The following BBS2 variants were observed in gnomAD, a reference collection of about 807,000 sequenced individuals.
The protein encoded by BBS2 is BBSome complex member BBS2.
A neutral mutation model predicts 83.0 loss-of-function variants in BBS2; 62 were observed. The observed-to-expected ratio is 0.75, with a 90% confidence interval of 0.61 to 0.92. The LOEUF (loss-of-function observed/expected upper bound fraction) is 0.92, where lower values mean the gene tolerates loss of function less well. Among genes scored for constraint, BBS2 ranks in the 40% least tolerant of loss-of-function variants. BBS2 has a pLI of 0.00. For synonymous variants in BBS2, 303 were observed against 326.1 expected (o/e 0.93, Z 0.76); for missense variants, 784 against 901.0 (o/e 0.87, Z 1.66).
At chr16:56,471,993 G>A (rs993433646) in intron 17 of BBS2, among the ~76,000 whole-genome samples, 6 of 152,066 alleles carry the variant, frequency 3.9e-5, no homozygotes, top group Admixed American at 3.9e-4. Context: ...ACACGGTCTT[G>A]CACTGTCACC....
In BBS2 at chr16:56,485,568, A is replaced by G. The variant is rs750440249; in HGVS notation, c.2059+22T>C. 11 of 1,613,662 alleles carry G rather than the reference A, an allele frequency of 6.8e-6. No individual in the cohort carries two copies. In the East Asian group the frequency reaches 2.0e-4, roughly 29 times the overall value. ...CCAAAAACATTACAGATCAAAGTGC[A>G]GTGTTATGAAAAGAGACTTACCCCG... On this transcript the variant is annotated intron_variant, in intron 16 of 16. Coordinates refer to ENST00000245157, the MANE Select transcript of BBS2 (RefSeq NM_031885.5).
intron 15 of BBS2, 47 bp downstream of exon 15, chr16:56,496,920 C>T: frequency 1.5e-6 from 2 of 1,326,100 alleles, no homozygotes; most frequent in Non-Finnish European, 2.2e-6. Flanking sequence ...TTCCATACTG[C>T]TCACATTTTT....
In BBS2 at chr16:56,502,340, G is replaced by A. The variant is rs777293950; in HGVS notation, c.1057C>T (p.Arg353Cys). ...ACCTTGGCATTTTCCTCATAGTTACGGAGTTCCAGCAACAGATTCTGCTTC... is the reference window on the plus strand; with the variant it reads ...ACCTTGGCATTTTCCTCATAGTTACAGAGTTCCAGCAACAGATTCTGCTTC... ...QKKQNLLLELRNYEENAKAEL... is the reference protein window; with the variant it reads ...QKKQNLLLELCNYEENAKAEL... Residue 353 changes from arginine to cysteine, a missense_variant, in exon 9 of 17, where the codon CGT becomes TGT. Coordinates refer to ENST00000245157, the MANE Select transcript of BBS2 (RefSeq NM_031885.5). The A allele has an allele frequency of 3.4e-5, 55 of 1,614,018 alleles. No individual in the cohort carries two copies. Among genetic ancestry groups the A allele is most frequent in the Non-Finnish European group, 4.0e-5 (47 of 1,180,032 alleles).
At chr16:56,498,326 C>A in intron 13 of BBS2, 111 bp downstream of exon 13, 1 of 1,405,152 alleles carries the variant, frequency 7.1e-7, no homozygotes, top group East Asian at 2.4e-5. Flanking sequence ...TCACTTTGGA[C>A]TGAATGGTAA....
intron 2 of BBS2, among the ~76,000 whole-genome samples, chr16:56,512,441 C>T (rs1238211976): frequency 7.9e-5 from 12 of 152,056 alleles, no homozygotes; most frequent in Non-Finnish European, 1.8e-4. Flanking sequence ...AAAACTGAAA[C>T]AATCCAAATG....
chr16:56,516,926 T>C (rs1964767231), intron 1 of BBS2, among the ~76,000 whole-genome samples: 1 of 152,202 alleles, frequency 6.6e-6, no homozygotes, highest in African/African-American at 2.4e-5. Context: ...ACTTTTTAGA[T>C]TTGTTTACAG....
intron 5 of BBS2, among the ~76,000 whole-genome samples, chr16:56,508,694 G>A (rs547689803): frequency 1.1e-4 from 17 of 151,448 alleles, no homozygotes; most frequent in Admixed American, 2.0e-4. Flanking sequence ...GCCCCTGGGT[G>A]GAATGCAGTG....
Position 56,502,941 on chromosome 16 carries a change from T to C in BBS2, c.805-133A>G. 8 of 1,094,368 alleles carry C rather than the reference T, an allele frequency of 7.3e-6. No homozygotes were observed. In the South Asian group the frequency reaches 1.1e-4, roughly 15 times the overall value. 67.8% of individuals were successfully genotyped at this position (1,094,368 alleles called of 1,614,324 possible). On this transcript the variant is annotated intron_variant, in intron 7 of 16. Coordinates refer to ENST00000245157, the MANE Select transcript of BBS2 (RefSeq NM_031885.5). ...AGAGTATTCTATGAAGCCCTACAACTTCTCAGGAGATACCTATGACTGCTG... is the reference window on the plus strand; with the variant it reads ...AGAGTATTCTATGAAGCCCTACAACCTCTCAGGAGATACCTATGACTGCTG...
At chr16:56,508,171 T>G (rs1164335335) in intron 5 of BBS2, among the ~76,000 whole-genome samples, 1 of 152,198 alleles carries the variant, frequency 6.6e-6, no homozygotes, top group East Asian at 1.9e-4. Flanking sequence ...GTTAAAATCA[T>G]TGGTAGCACT....
chr16:56,480,366 C>CAAA (rs1157907841), downstream of BBS2, among the ~76,000 whole-genome samples: 270 of 90,170 alleles, frequency 3.0e-3, 6 homozygotes, highest in African/African-American at 0.011. Flanking sequence ...AAAAAAAAAA[C>CAAA]AAAAAAAAAA....
intron 11 of BBS2, 93 bp downstream of exon 11, chr16:56,500,761 C>A: frequency 7.6e-7 from 1 of 1,312,334 alleles, no homozygotes; most frequent in Non-Finnish European, 1.1e-6. Context: ...GTTTCTCAGG[C>A]CCCCAAGAAT....
rs142010052 is a variant in BBS2, at chr16:56,474,898, C to T, written c.*1-4203G>A. On this transcript the variant is annotated intron_variant, in intron 17 of 17. Coordinates refer to the BBS2 transcript ENST00000682047. The stretch of plus-strand genomic sequence containing the variant: ...CCGGTCACTACACTTTAATTCATGA[C>T]CATAGCAAGGCTGAATTTGCCCTAG... The T allele has an allele frequency of 9.4e-5, 152 of 1,613,524 alleles. No homozygotes were observed. The African/African-American group carries it at 1.9e-3, about 20-fold the overall frequency.
chr16:56,497,749 T>A lies in BBS2; in HGVS notation c.1791A>T (p.Leu597=). 2 of 1,613,482 alleles carry A rather than the reference T, an allele frequency of 1.2e-6. No homozygotes were observed. Among genetic ancestry groups the A allele is most frequent in the Middle Eastern group, 1.7e-4 (1 of 6,056 alleles). The change falls in exon 14 of 17, where the codon CTA becomes CTT. Residue 597 remains leucine, a synonymous_variant. Transcript: ENST00000245157. ...PVYFEELRKV[L]VKVDEYHSVH... is the part of the protein sequence containing the mutation. ...ATCTACCGCATTCCCTCACCTTAAC[T>A]AGCACCTTTCGTAATTCCTCAAAAT...
chr16:56,514,377 A>T, intron 2 of BBS2, 76 bp downstream of exon 2: 1 of 1,350,178 alleles, frequency 7.4e-7, no homozygotes, highest in Admixed American at 1.8e-5. Flanking sequence ...AAAATAAATG[A>T]TCTGATCTCT....
chr16:56,502,387 A>G lies in BBS2; in HGVS notation c.1010T>C (p.Leu337Pro), dbSNP rs1964299869. The stretch of plus-strand genomic sequence containing the variant: ...CTTCTTCTGACTCAGCTCTCGGATC[A>G]GGTCCTGCTCTGCACTGGTGTCCAT... ...NLMDTSAEQD[L>P]IRELSQKKQN... The change falls in exon 9 of 17, where the codon CTG becomes CCG. Residue 337 changes from leucine (L) to proline (P), a missense_variant. By Grantham distance (98) the Leu-to-Pro change is moderately conservative. Transcript: ENST00000245157. 2 of 1,614,130 alleles carry G rather than the reference A, an allele frequency of 1.2e-6. No individual in the cohort carries two copies. Among genetic ancestry groups the G allele is most frequent in the Non-Finnish European group, 1.7e-6 (2 of 1,180,060 alleles).
intron 15 of BBS2, among the ~76,000 whole-genome samples, chr16:56,490,322 T>C (rs550568682): frequency 3.3e-5 from 5 of 152,012 alleles, no homozygotes; most frequent in Non-Finnish European, 7.4e-5. Context: ...TACCCTGCTG[T>C]TAAAGAAAAC....
rs763441369 is a variant in BBS2 at position 56,502,467 on chromosome 16, G to A, written c.941-11C>T. The A allele has an allele frequency of 5.3e-5, 86 of 1,614,138 alleles. No individual in the cohort carries two copies. The highest frequency in any genetic ancestry group is 6.6e-5 in the Non-Finnish European group (78 of 1,180,026). ...GCAGGTAGCCCCGGACTGAACAGAA[G>A]GAAAAAACCGCAAGTATAACCAGGT... On this transcript the variant is annotated splice_polypyrimidine_tract_variant and intron_variant, in intron 8 of 16. Coordinates refer to ENST00000245157, the MANE Select transcript of BBS2 (RefSeq NM_031885.5).
chr16:56,502,483 A>G, intron 8 of BBS2, 27 bp from the exon 9 acceptor site: 2 of 1,614,160 alleles, frequency 1.2e-6, no homozygotes, highest in Non-Finnish European at 1.7e-6. Flanking sequence ...AACCGCAAGT[A>G]TAACCAGGTA....
chr16:56,514,866 G>A (rs533019272), intron 1 of BBS2, among the ~76,000 whole-genome samples, 186 bp from the exon 2 acceptor site: 10 of 152,222 alleles, frequency 6.6e-5, no homozygotes, highest in Admixed American at 3.9e-4. Context: ...ATGAAATCAC[G>A]GAAATCCAGT....
Sources: gnomAD v4.1 joint callset for allele counts (sites outside exome capture counted in the v4.1 genomes callset) on GRCh38, gnomAD v4.1.1 for gene constraint, MANE v1.5 for transcripts, NCBI Gene and HGNC (gene_info 2026-07-23, HGNC 2026-07-21) for gene names.